BICC1: variants seen among roughly 807,000 people sequenced by gnomAD.
BICC1 encodes the protein protein bicaudal C homolog 1.
BICC1 carries 43 observed loss-of-function variants against 111.0 expected under a neutral mutation model. The ratio of observed to expected loss-of-function variants is 0.39; its 90% confidence interval spans 0.30 to 0.50. The LOEUF is 0.50. Among genes scored for constraint, BICC1 ranks in the 20% least tolerant of loss-of-function variants. The pLI is 0.88. For missense variants in BICC1, 1,091 were observed against 1,203.2 expected (o/e 0.91, Z 1.38); for synonymous variants, 467 against 434.4 (o/e 1.07, Z -0.93).
At chr10:58,709,154 A>G (rs1410263864) in intron 3 of BICC1, among the ~76,000 whole-genome samples, 3 of 152,166 alleles carry the variant, frequency 2.0e-5, no homozygotes, top group Admixed American at 1.3e-4. Context: ...ACTAGGATTT[A>G]TTCTTCCAAT....
At chr10:58,725,137 CA>C (rs1034630317) in intron 3 of BICC1, among the ~76,000 whole-genome samples, 1 of 152,130 alleles carries the variant, frequency 6.6e-6, no homozygotes, top group African/African-American at 2.4e-5. Context: ...CTGTTCTGTG[CA>C]TGTTATTATG....
At chr10:58,789,611 GC>G (rs550470346) in intron 7 of BICC1, 70 bp from the exon 8 acceptor site, 168 of 1,566,398 alleles carry the variant, frequency 1.1e-4, no homozygotes, top group Non-Finnish European at 1.5e-4. Flanking sequence ...TGTTAGAAAT[GC>G]AATAGAATCT....
In BICC1 at chr10:58,803,086, C is replaced by G. The variant is rs761458008; in HGVS notation, c.2025C>G (p.Asp675Glu). Residue 675 changes from aspartate (D) to glutamate (E), a missense_variant, in exon 15 of 21, where the codon GAC (aspartate) becomes GAG (glutamate). Around this residue, in one of 3 missense-constraint regions of BICC1, gnomAD observed 843 missense variants for 900.8 expected, o/e 0.94. Transcript: ENST00000373886. ...CACTCTTATTTCACAGCAGCACTGA[C>G]AGGTTGCTCTCAGACCCTGAACTGA... The part of the protein sequence containing the change: ...GTKNSHLHST[D>E]RLLSDPELSA... The G allele has an allele frequency of 3.1e-6, 5 of 1,598,498 alleles. No homozygotes were observed. The South Asian group carries it at 5.7e-5, about 18-fold the overall frequency.
intron 2 of BICC1, among the ~76,000 whole-genome samples, chr10:58,687,927 C>T (rs1429947732): frequency 2.6e-5 from 4 of 152,180 alleles, no homozygotes; most frequent in Admixed American, 1.3e-4. Context: ...TACCCATCTT[C>T]TGTCGCTCAC....
chr10:58,662,213 ATCT>A (rs1488589946), intron 2 of BICC1, among the ~76,000 whole-genome samples: 1 of 152,218 alleles, frequency 6.6e-6, no homozygotes, highest in Non-Finnish European at 1.5e-5. Flanking sequence ...TATCTTGGAC[ATCT>A]TCTACTAGAA....
chr10:58,617,074 C>T (rs534866553), intron 1 of BICC1, among the ~76,000 whole-genome samples: 13 of 152,360 alleles, frequency 8.5e-5, no homozygotes, highest in East Asian at 5.8e-4. Flanking sequence ...CCTTTAGCAG[C>T]GCATGGAGCG....
At chr10:58,627,562 C>A (rs559803840) in intron 2 of BICC1, among the ~76,000 whole-genome samples, 8 of 152,144 alleles carry the variant, frequency 5.3e-5, no homozygotes, top group Non-Finnish European at 7.4e-5. Context: ...TAAAAATTAC[C>A]CTAACTGATA....
intron 18 of BICC1, among the ~76,000 whole-genome samples, chr10:58,815,350 G>T (rs575948621): frequency 6.6e-6 from 1 of 152,250 alleles, no homozygotes; most frequent in East Asian, 1.9e-4. Context: ...TAGTAGCCTG[G>T]AGACTTCCCA....
chr10:58,816,745 C>CTGTGTGTGTG (rs56310772), intron 18 of BICC1, among the ~76,000 whole-genome samples: 104 of 122,160 alleles, frequency 8.5e-4, no homozygotes, highest in Middle Eastern at 3.9e-3. Context: ...ATCTCCAAGG[C>CTGTGTGTGTG]TGTGTGTGTG....
intron 1 of BICC1, among the ~76,000 whole-genome samples, chr10:58,595,065 A>G (rs1462249452): frequency 6.6e-6 from 1 of 152,208 alleles, no homozygotes; most frequent in African/African-American, 2.4e-5. Flanking sequence ...CAGGAGTTGC[A>G]ATCGTAGGCT....
At chr10:58,603,708 T>C (rs1189878895) in intron 1 of BICC1, among the ~76,000 whole-genome samples, 3 of 152,114 alleles carry the variant, frequency 2.0e-5, no homozygotes, top group Non-Finnish European at 4.4e-5. Flanking sequence ...GAGGGTGAAA[T>C]TATATAGAAT....
At chr10:58,522,623 C>G (rs1842422233) in intron 1 of BICC1, among the ~76,000 whole-genome samples, 1 of 152,066 alleles carries the variant, frequency 6.6e-6, no homozygotes, top group South Asian at 2.1e-4. Context: ...AAAATTGATA[C>G]CCTAACATCA....
intron 2 of BICC1, among the ~76,000 whole-genome samples, chr10:58,677,270 G>A (rs1396517107): frequency 1.3e-5 from 2 of 152,184 alleles, no homozygotes; most frequent in Admixed American, 6.5e-5. Context: ...AAAGGAGCAT[G>A]TTCTAACCCA....
At chr10:58,644,003 T>C (rs1260304293) in intron 2 of BICC1, among the ~76,000 whole-genome samples, 1 of 152,152 alleles carries the variant, frequency 6.6e-6, no homozygotes, top group Non-Finnish European at 1.5e-5. Flanking sequence ...TGTGTGCTAA[T>C]ATGACTTAAA....
chr10:58,773,039 A>T (rs1247833145), intron 3 of BICC1, among the ~76,000 whole-genome samples: 1 of 152,232 alleles, frequency 6.6e-6, no homozygotes, highest in East Asian at 1.9e-4. Flanking sequence ...AAGCGTGATT[A>T]TATGATTAAA....
At chr10:58,653,634 G>T (rs1274144046) in intron 2 of BICC1, among the ~76,000 whole-genome samples, 1 of 151,844 alleles carries the variant, frequency 6.6e-6, no homozygotes, top group Non-Finnish European at 1.5e-5. Context: ...CACACGTCTT[G>T]TTTGAACCAG....
At chr10:58,645,282 G>A (rs1462874121) in intron 2 of BICC1, among the ~76,000 whole-genome samples, 6 of 151,910 alleles carry the variant, frequency 3.9e-5, no homozygotes, top group Non-Finnish European at 7.4e-5. Flanking sequence ...GGTGGTGGGC[G>A]CCTGTAGTCC....
chr10:58,698,193 C>T (rs1840122300), intron 2 of BICC1, among the ~76,000 whole-genome samples: 1 of 152,150 alleles, frequency 6.6e-6, no homozygotes, highest in South Asian at 2.1e-4. Context: ...TTGGTGGCTT[C>T]TCTTTCTGTC....
At chr10:58,653,849 A>G (rs1838535486) in intron 2 of BICC1, among the ~76,000 whole-genome samples, 2 of 118,560 alleles carry the variant, frequency 1.7e-5, no homozygotes, top group African/African-American at 6.6e-5. Context: ...ACCCCACCAC[A>G]GTCCTCAGAG....
Sources: gnomAD v4.1 joint callset for allele counts (sites outside exome capture counted in the v4.1 genomes callset) on GRCh38, gnomAD v4.1.1 for gene constraint, gnomAD v4.1.1 regional missense constraint, MANE v1.5 for transcripts, NCBI Gene and HGNC (gene_info 2026-07-23, HGNC 2026-07-21) for gene names.